Variants in OR2A12 observed in about 807,000 individuals in gnomAD.
The protein encoded by OR2A12 is olfactory receptor 2A12.
For missense variants in OR2A12, 380 were observed against 372.5 expected (o/e 1.02, Z -0.17); for synonymous variants, 153 against 149.3 (o/e 1.02, Z -0.18).
intron 1 of OR2A12, among the ~76,000 whole-genome samples, chr7:144,089,492 T>A (rs1400689262): frequency 6.6e-6 from 1 of 152,216 alleles, no homozygotes; most frequent in African/African-American, 2.4e-5. Flanking sequence ...TATAAGTACA[T>A]ATAATGTGAT....
intron 1 of OR2A12, among the ~76,000 whole-genome samples, chr7:144,088,039 C>T (rs1201448256): frequency 6.6e-6 from 1 of 152,110 alleles, no homozygotes; most frequent in Non-Finnish European, 1.5e-5. Flanking sequence ...TTTGAAACAG[C>T]GTCTCGCTCT....
At chr7:144,087,048 G>A (rs2051192595) in intron 1 of OR2A12, among the ~76,000 whole-genome samples, 2 of 152,100 alleles carry the variant, frequency 1.3e-5, no homozygotes, top group African/African-American at 2.4e-5. Context: ...GATCACTCTG[G>A]TTCATGGTGT....
At chr7:144,092,068 A>G (rs2051231088) in intron 1 of OR2A12, among the ~76,000 whole-genome samples, 1 of 152,262 alleles carries the variant, frequency 6.6e-6, no homozygotes, top group African/African-American at 2.4e-5. Context: ...TCTTCTGCAT[A>G]TGGCTAGCTA....
In OR2A12 at chr7:144,096,252, C is replaced by T. The variant is rs767006275; in HGVS notation, c.*212C>T. The T allele has an allele frequency of 4.8e-6, 2 of 415,260 alleles. No homozygotes were observed. Among genetic ancestry groups the T allele is most frequent in the Middle Eastern group, 6.6e-4 (1 of 1,520 alleles). The allele number at this position is 415,260 out of a possible 1,614,324, so 25.7% of individuals were successfully genotyped here. On this transcript the variant is annotated 3_prime_UTR_variant, in exon 2 of 2. Coordinates refer to ENST00000641592, the MANE Select transcript of OR2A12 (RefSeq NM_001004135.2). ...GGCGGATTACCTGAGGTCAGGAGTT[C>T]GAGACCAGCCTAACCAACATGGCGA...
chr7:144,095,412 T>A lies in OR2A12; in HGVS notation c.305T>A (p.Leu102Ter), dbSNP rs767786711. The A allele has an allele frequency of 1.1e-5, 18 of 1,613,968 alleles. No homozygotes were observed. Among genetic ancestry groups the A allele is most frequent in the Non-Finnish European group, 1.2e-5 (14 of 1,179,952 alleles). ...GCTCCTTGCATACTTCAGACTTTTT[T>A]GTATTTGGCGTTTGCTATTACAGAG... Reference protein sequence around the residue: ...SFAPCILQTFLYLAFAITECL... With the variant: ...SFAPCILQTF Residue 102 changes from leucine (L) to a stop codon, truncating the protein, a stop_gained, in exon 2 of 2, where the codon TTG becomes TAG. Coordinates refer to ENST00000641592, the MANE Select transcript of OR2A12 (RefSeq NM_001004135.2). LOFTEE classifies it low-confidence loss of function (END_TRUNC).
chr7:144,098,449 G>A lies in OR2A12; in HGVS notation c.*2409G>A, dbSNP rs1289699239. ...AACCAAGAAGCAACCAAGTTAGGGG[G>A]AGAGAGATGCATTTTTATGTTCTAT... On this transcript the variant is annotated 3_prime_UTR_variant, in exon 2 of 2. Coordinates refer to ENST00000641592, the MANE Select transcript of OR2A12 (RefSeq NM_001004135.2). The A allele has an allele frequency of 6.6e-6, 1 of 152,074 alleles. No homozygotes were observed. Among genetic ancestry groups the A allele is most frequent in the Non-Finnish European group, 1.5e-5 (1 of 68,022 alleles). 9.4% of individuals were successfully genotyped at this position (152,074 alleles called of 1,614,324 possible).
chr7:144,089,359 T>C (rs2051212532), intron 1 of OR2A12, among the ~76,000 whole-genome samples: 2 of 151,682 alleles, frequency 1.3e-5, no homozygotes, highest in African/African-American at 4.8e-5. Flanking sequence ...TCTGCGTCTG[T>C]GTGTGTGTGT....
Position 144,095,118 on chromosome 7 carries a change from A to G in OR2A12, c.11A>G (p.Asn4Ser). Residue 4 changes from asparagine to serine, a missense_variant, in exon 2 of 2, where the codon AAT (asparagine) becomes AGT (serine). Physicochemically the swap from Asn to Ser is conservative, Grantham distance 46. Transcript: ENST00000641592. ...TTCTGTCACGAGAACATGGAAAGCA[A>G]TCAGACCTGGATCACAGAAGTCATC... MES[N>S]QTWITEVILL... The G allele has an allele frequency of 1.2e-6, 2 of 1,601,866 alleles. No individual in the cohort carries two copies. The highest frequency in any genetic ancestry group is 8.5e-7 in the Non-Finnish European group (1 of 1,174,916).
intron 1 of OR2A12, among the ~76,000 whole-genome samples, chr7:144,094,070 T>C (rs1321400963): frequency 6.6e-6 from 1 of 152,194 alleles, no homozygotes; most frequent in Non-Finnish European, 1.5e-5. Flanking sequence ...TTTCCCTTTT[T>C]AGTGTTAAAT....
intron 1 of OR2A12, among the ~76,000 whole-genome samples, chr7:144,091,165 C>T (rs779590005): frequency 1.6e-4 from 24 of 152,234 alleles, no homozygotes; most frequent in Non-Finnish European, 2.9e-4. Flanking sequence ...CCAAGGCAGG[C>T]GGATCATTTG....
In OR2A12 at chr7:144,095,952, C is replaced by G. The variant is rs762384590; in HGVS notation, c.845C>G (p.Pro282Arg). Residue 282 changes from proline (P) to arginine (R), a missense_variant, in exon 2 of 2, where the codon CCG becomes CGG. By Grantham distance (103) the Pro-to-Arg change is moderately radical (BLOSUM62 -2). Transcript: ENST00000641592. ...TCCCTGTTTTACAGCCTTTTCAACC[C>G]GATCCTGAACCCCCTCATCTACAGC... is the stretch of plus-strand genomic sequence containing the variant. ...ILSLFYSLFNPILNPLIYSLR... is the reference protein window; with the variant it reads ...ILSLFYSLFNRILNPLIYSLR... 1.9e-6 allele frequency: 3 copies of G among 1,613,918 alleles called. No homozygotes were observed. The highest frequency in any genetic ancestry group is 1.3e-5 in the African/African-American group (1 of 74,866).
chr7:144,086,567 CT>C (rs2051189016), intron 1 of OR2A12, 24 bp downstream of exon 1: 1 of 152,264 alleles, frequency 6.6e-6, no homozygotes, highest in Non-Finnish European at 1.5e-5. Flanking sequence ...TAATGGGCCT[CT>C]TTTAAGTAAT....
intron 1 of OR2A12, among the ~76,000 whole-genome samples, chr7:144,093,044 G>T (rs2051237908): frequency 6.9e-6 from 1 of 144,360 alleles, no homozygotes; most frequent in Non-Finnish European, 1.5e-5. Context: ...CATTTATTTA[G>T]AATTTATTTT....
chr7:144,096,571 C>T lies in OR2A12; in HGVS notation c.*531C>T, dbSNP rs1269723641. On this transcript the variant is annotated 3_prime_UTR_variant, in exon 2 of 2. Transcript: ENST00000641592. ...AACAGAAAATCACAATCTAATCCTA[C>T]TCATGAACATAGATGCAAACCTCTT... 2.0e-5 allele frequency: 3 copies of T among 152,430 alleles called. No homozygotes were observed. The highest frequency in any genetic ancestry group is 7.3e-5 in the African/African-American group (3 of 41,378). 9.4% of individuals were successfully genotyped at this position (152,430 alleles called of 1,614,324 possible).
rs1194996939 is a variant in OR2A12, at chr7:144,098,522, G to C, written c.*2482G>C. 6.6e-6 allele frequency: 1 copy of C among 152,046 alleles called. No individual in the cohort carries two copies. The highest frequency in any genetic ancestry group is 1.9e-4 in the East Asian group (1 of 5,192). The allele number at this position is 152,046 out of a possible 1,614,324, so 9.4% of individuals were successfully genotyped here. A position where few individuals can be genotyped will look rare whatever the true frequency, so the allele number is the denominator to read the frequency against. On this transcript the variant is annotated 3_prime_UTR_variant, in exon 2 of 2. Transcript: ENST00000641592. Reference sequence around the variant, plus strand: ...ACATGAGAAGATCGAGGAACACAGAGGTTGAGTAACTTACCCTGAGTCATT... The same window carrying C: ...ACATGAGAAGATCGAGGAACACAGACGTTGAGTAACTTACCCTGAGTCATT...
At position 144,098,606 on chromosome 7, in the gene OR2A12, AG is replaced by A. The variant is rs1402261530; in HGVS notation, c.*2567del. The A allele has an allele frequency of 2.6e-5, 4 of 152,176 alleles. No homozygotes were observed. Among genetic ancestry groups the A allele is most frequent in the African/African-American group, 9.7e-5 (4 of 41,450 alleles). The allele number at this position is 152,176 out of a possible 1,614,324, so 9.4% of individuals were successfully genotyped here. On this transcript the variant is annotated 3_prime_UTR_variant, in exon 2 of 2. Coordinates refer to ENST00000641592, the MANE Select transcript of OR2A12 (RefSeq NM_001004135.2). ...AAAAAAATAGGTTCTCTGGCTCCAG[AG>A]CTGGTATTCTTTTATTGTTAAACAA...
chr7:144,089,371 A>G (rs1321285253), intron 1 of OR2A12, among the ~76,000 whole-genome samples: 4 of 151,810 alleles, frequency 2.6e-5, no homozygotes, highest in Non-Finnish European at 5.9e-5. Context: ...TGTGTGTGTT[A>G]GAGAGAAAAA....
rs753934472 is a variant in OR2A12, at chr7:144,096,059, C to G, written c.*19C>G. The G allele has an allele frequency of 1.3e-6, 2 of 1,538,030 alleles. No homozygotes were observed. The highest frequency in any genetic ancestry group is 3.9e-5 in the Admixed American group (2 of 51,914). On this transcript the variant is annotated 3_prime_UTR_variant, in exon 2 of 2. Coordinates refer to ENST00000641592, the MANE Select transcript of OR2A12 (RefSeq NM_001004135.2). ...AATGTGAAGAATCATTTGAGATATC[C>G]TGAGTGTGTAAGCATGGTTCTCATG...
At chr7:144,086,770 A>G (rs2051190471) in intron 1 of OR2A12, among the ~76,000 whole-genome samples, 1 of 152,194 alleles carries the variant, frequency 6.6e-6, no homozygotes, top group Admixed American at 6.5e-5. Flanking sequence ...AATACCAGAA[A>G]TAGTATCTTC....
Sources: allele counts gnomAD v4.1 joint callset (sites outside exome capture counted in the v4.1 genomes callset), GRCh38; gene constraint gnomAD v4.1.1; transcripts MANE v1.5; gene names NCBI Gene and HGNC (gene_info 2026-07-23, HGNC 2026-07-21).